The following SCFD2 variants were observed in gnomAD, a reference collection of about 807,000 sequenced individuals.
SCFD2 encodes sec1 family domain containing 2, also known as sec1 family domain-containing protein 2.
In SCFD2, 54 loss-of-function variants were observed where a neutral mutation model predicts 58.9. That is an observed-to-expected ratio of 0.92 (90% CI 0.74 to 1.15). The LOEUF (loss-of-function observed/expected upper bound fraction) is 1.15, where lower values mean the gene tolerates loss of function less well. Among genes scored for constraint, SCFD2 ranks in the 50% most tolerant of loss-of-function variants. The pLI is 0.00. For synonymous variants in SCFD2, 321 were observed against 335.9 expected (o/e 0.96, Z 0.49); for missense variants, 805 against 836.6 (o/e 0.96, Z 0.47).
chr4:53,212,575 C>CGTGTGTGT (rs72335886), intron 4 of SCFD2, among the ~76,000 whole-genome samples: 2,738 of 142,240 alleles, frequency 0.019, 54 homozygotes, highest in African/African-American at 0.045. Flanking sequence ...AAAGTGAGCA[C>CGTGTGTGT]GTGTGTGTGT....
intron 8 of SCFD2, 138 bp from the exon 9 acceptor site, chr4:52,874,199 G>A (rs1355518943): frequency 3.1e-6 from 2 of 649,822 alleles, no homozygotes; most frequent in Non-Finnish European, 5.6e-6. Context: ...AAAGTAGAAG[G>A]CAGCCAGCTG....
chr4:52,913,865 A>C (rs548760363), intron 6 of SCFD2, among the ~76,000 whole-genome samples: 7 of 152,196 alleles, frequency 4.6e-5, no homozygotes, highest in Non-Finnish European at 1.0e-4. Flanking sequence ...CTTCCACCGC[A>C]GTTCATTGGC....
At chr4:52,952,260 C>G (rs149078614) in intron 5 of SCFD2, among the ~76,000 whole-genome samples, 28 of 118,598 alleles carry the variant, frequency 2.4e-4, no homozygotes, top group African/African-American at 3.8e-4. Flanking sequence ...CCCTCTCACA[C>G]CCCCATCCCC....
chr4:53,331,837 G>A (rs1192508257), intron 2 of SCFD2, among the ~76,000 whole-genome samples: 1 of 152,002 alleles, frequency 6.6e-6, no homozygotes, highest in Non-Finnish European at 1.5e-5. Context: ...CAACAAAATT[G>A]ATAGACCGCT....
At chr4:53,268,225 G>A (rs1380607483) in intron 4 of SCFD2, among the ~76,000 whole-genome samples, 4 of 152,068 alleles carry the variant, frequency 2.6e-5, no homozygotes, top group African/African-American at 4.8e-5. Flanking sequence ...GGACAGTCTC[G>A]CAGGGGTTGT....
At chr4:52,887,007 T>C (rs1324798876) in intron 7 of SCFD2, among the ~76,000 whole-genome samples, 1 of 152,234 alleles carries the variant, frequency 6.6e-6, no homozygotes, top group African/African-American at 2.4e-5. Context: ...TATTTATTTG[T>C]TTACTTGTTG....
intron 5 of SCFD2, among the ~76,000 whole-genome samples, chr4:53,043,144 G>A (rs935485202): frequency 6.6e-6 from 1 of 152,126 alleles, no homozygotes; most frequent in Non-Finnish European, 1.5e-5. Context: ...GGGGTGAGAG[G>A]GAAGGAGGTT....
At chr4:53,257,748 T>G (rs1405135787) in intron 4 of SCFD2, among the ~76,000 whole-genome samples, 1 of 150,216 alleles carries the variant, frequency 6.7e-6, no homozygotes, top group African/African-American at 2.4e-5. Flanking sequence ...GATTATATTT[T>G]TTTGCCTCTT....
intron 8 of SCFD2, among the ~76,000 whole-genome samples, chr4:52,879,994 A>G (rs116920755): frequency 6.6e-6 from 1 of 152,316 alleles, no homozygotes; most frequent in East Asian, 1.9e-4. Context: ...TTCATGCTGT[A>G]TAGGCACACG....
chr4:53,247,302 G>T (rs1730118438), intron 4 of SCFD2, among the ~76,000 whole-genome samples: 1 of 152,144 alleles, frequency 6.6e-6, no homozygotes. Flanking sequence ...CACTGTAGGT[G>T]GGAGTGTAAA....
intron 5 of SCFD2, among the ~76,000 whole-genome samples, chr4:53,075,924 GA>G (rs1394917090): frequency 6.6e-6 from 1 of 152,170 alleles, no homozygotes. Context: ...AGACTTGCTA[GA>G]CACAGGGTTG....
At chr4:53,131,316 T>C (rs1383624857) in intron 5 of SCFD2, among the ~76,000 whole-genome samples, 2 of 152,190 alleles carry the variant, frequency 1.3e-5, no homozygotes, top group East Asian at 3.9e-4. Context: ...GAGTCAGAGA[T>C]GTCAGATAGA....
At chr4:53,016,265 C>T (rs1560510790) in intron 5 of SCFD2, among the ~76,000 whole-genome samples, 1 of 152,298 alleles carries the variant, frequency 6.6e-6, no homozygotes, top group East Asian at 1.9e-4. Context: ...TTTGGAGATC[C>T]TATCCAAGGA....
chr4:53,301,567 T>C lies in SCFD2; in HGVS notation c.1135+12069A>G, dbSNP rs539911741. Among the ~76,000 whole-genome samples, 121 of 152,094 alleles carry C rather than the reference T, an allele frequency of 8.0e-4. No individual in the cohort carries two copies. In the Middle Eastern group the frequency reaches 0.014, roughly 17 times the overall value. ...TTCCTTCTGAAACTATTCCAATCAA[T>C]AGAAAAAGAGGGAATCCTCCCTAAC... On this transcript the variant is annotated intron_variant, in intron 3 of 8. Transcript: ENST00000401642.
intron 5 of SCFD2, among the ~76,000 whole-genome samples, chr4:53,053,861 G>T (rs574869732): frequency 1.3e-5 from 2 of 152,200 alleles, no homozygotes; most frequent in South Asian, 4.1e-4. Context: ...ATAATTTAAT[G>T]CATTCTGATA....
At chr4:53,029,078 C>T (rs1252417304) in intron 5 of SCFD2, among the ~76,000 whole-genome samples, 28 of 152,132 alleles carry the variant, frequency 1.8e-4, no homozygotes, top group Non-Finnish European at 1.5e-5. Flanking sequence ...AAAAATAATT[C>T]TATTCTTTTT....
At chr4:53,283,893 G>A (rs1375106859) in intron 3 of SCFD2, among the ~76,000 whole-genome samples, 6 of 151,842 alleles carry the variant, frequency 4.0e-5, no homozygotes, top group East Asian at 1.9e-4. Context: ...CGAGGTGGGC[G>A]GATCACAAGG....
intron 7 of SCFD2, among the ~76,000 whole-genome samples, chr4:52,906,020 T>C (rs577107782): frequency 2.4e-4 from 36 of 152,346 alleles, no homozygotes; most frequent in Non-Finnish European, 7.3e-5. Context: ...TAAGCCAGTG[T>C]TTCTGGAACA....
At chr4:52,887,893 ATTCT>A (rs1718776975) in intron 7 of SCFD2, among the ~76,000 whole-genome samples, 3 of 119,910 alleles carry the variant, frequency 2.5e-5, no homozygotes, top group South Asian at 2.7e-4. Context: ...TCAACATCTT[ATTCT>A]TTTTTTTTTT....
Sources: gnomAD v4.1 joint callset for allele counts (sites outside exome capture counted in the v4.1 genomes callset) on GRCh38, gnomAD v4.1.1 for gene constraint, MANE v1.5 for transcripts, NCBI Gene and HGNC (gene_info 2026-07-23, HGNC 2026-07-21) for gene names.